TMEM200C: variants seen among roughly 807,000 people sequenced by gnomAD.
The protein encoded by TMEM200C is transmembrane protein TTMA.
For synonymous variants in TMEM200C, 462 were observed against 324.7 expected (o/e 1.42, Z -4.55); for missense variants, 966 against 699.9 (o/e 1.38, Z -4.29).
chr18:5,888,337 AC>A (rs2095166989), exon 3 of TMEM200C: 1 of 152,238 alleles, frequency 6.6e-6, no homozygotes, highest in South Asian at 2.1e-4. Context: ...AAAGTGAGTT[AC>A]CGGTTTAATG....
Position 5,891,431 on chromosome 18 carries a change from G to T in TMEM200C, c.633C>A (p.His211Gln). ...CCGCCAGGTCTTTGGCGCGGAGGCT[G>T]TGCACGTCGATGACGGTGGAGTAGA... The change falls in exon 3 of 3, where the codon CAC becomes CAA. Residue 211 changes from histidine (H) to glutamine (Q), a missense_variant. Physicochemically the swap from His to Gln is conservative, Grantham distance 24 (BLOSUM62 0). Coordinates refer to ENST00000581347, the Ensembl canonical transcript of TMEM200C. This position sits in a 1 kb window ranked among gnomAD's most constrained non-coding sequence, Gnocchi z 4.7. 1 of 1,550,412 alleles carries T rather than the reference G, an allele frequency of 6.4e-7. No individual in the cohort carries two copies. Among genetic ancestry groups the T allele is most frequent in the Non-Finnish European group, 8.7e-7 (1 of 1,147,406 alleles).
At position 5,891,505 on chromosome 18, in the gene TMEM200C, G is replaced by T; in HGVS notation, c.559C>A (p.Leu187Ile). 1 of 1,609,888 alleles carries T rather than the reference G, an allele frequency of 6.2e-7. No homozygotes were observed. The highest frequency in any genetic ancestry group is 1.1e-5 in the South Asian group (1 of 90,104). Residue 187 changes from leucine (L) to isoleucine (I), a missense_variant, in exon 3 of 3, where the codon CTC (leucine) becomes ATC (isoleucine). Coordinates refer to ENST00000581347, the Ensembl canonical transcript of TMEM200C. This position sits in a 1 kb window ranked among gnomAD's most constrained non-coding sequence, Gnocchi z 4.7. ...GTCTTCTTGTCCCGGTTCTCGTGGAGGACCGCGTTTGCGCAGATGAAGAGG... is the reference window on the plus strand; with the variant it reads ...GTCTTCTTGTCCCGGTTCTCGTGGATGACCGCGTTTGCGCAGATGAAGAGG...
Position 5,891,248 on chromosome 18 carries a change from G to A in TMEM200C, c.816C>T (p.Ala272=). 1 of 1,376,780 alleles carries A rather than the reference G, an allele frequency of 7.3e-7. No homozygotes were observed. 85.3% of individuals were successfully genotyped at this position (1,376,780 alleles called of 1,614,324 possible). ...TGGCCAGCATCGCCGCCGCTCCGAA[G>A]GCGTCCCCGGAGCCACCGCAGCCCC... The change falls in exon 3 of 3, where the codon GCC becomes GCT. Residue 272 remains alanine, a synonymous_variant. Coordinates refer to ENST00000581347, the Ensembl canonical transcript of TMEM200C. This position sits in a 1 kb window ranked among gnomAD's most constrained non-coding sequence, Gnocchi z 4.7.
exon 2 of TMEM200C, chr18:5,895,372 C>T (rs1449371991): frequency 6.6e-6 from 1 of 151,462 alleles, no homozygotes; most frequent in African/African-American, 2.4e-5. Flanking sequence ...CCCCTGCGGC[C>T]GCGCCGCCGG....
rs769565228 is a variant in TMEM200C at position 5,891,810 on chromosome 18, C to G, written c.254G>C (p.Gly85Ala). The stretch of plus-strand genomic sequence containing the variant: ...GCCCGCAGGCGGCAGCTGCTTACCC[C>G]CCTCCCGATTGGTCCCGGTGGCCTT... The change falls in exon 3 of 3, where the codon GGG becomes GCG. Residue 85 changes from glycine to alanine, a missense_variant. By Grantham distance (60) the Gly-to-Ala change is moderately conservative. Transcript: ENST00000581347. The surrounding 1 kb of genome is among the most constrained non-coding windows in gnomAD (Gnocchi z 4.7). 2.5e-6 allele frequency: 4 copies of G among 1,604,712 alleles called. No homozygotes were observed. Among genetic ancestry groups the G allele is most frequent in the South Asian group, 1.1e-5 (1 of 91,030 alleles).
chr18:5,890,717 G>T (rs536173337), exon 3 of TMEM200C: 3 of 507,688 alleles, frequency 5.9e-6, no homozygotes, highest in Non-Finnish European at 1.0e-5. Flanking sequence ...CCCTGGCGGC[G>T]CGCGCCGCTA....
At chr18:5,887,856 G>A (rs866542806) in exon 3 of TMEM200C, 1 of 152,132 alleles carries the variant, frequency 6.6e-6, no homozygotes, top group Non-Finnish European at 1.5e-5. Flanking sequence ...TTGGAAAATT[G>A]AGCTCATCTT....
In TMEM200C at chr18:5,891,378, G is replaced by A; in HGVS notation, c.686C>T (p.Ala229Val). ...GGGGGCAGACGACGACGAAGAGGCG[G>A]CGGCGGCCGCGGCGGCGGCCGCGGC... Residue 229 changes from alanine to valine, a missense_variant, in exon 3 of 3, where the codon GCC becomes GTC. Coordinates refer to ENST00000581347, the Ensembl canonical transcript of TMEM200C. The surrounding 1 kb of genome is among the most constrained non-coding windows in gnomAD (Gnocchi z 4.7). 1.5e-6 allele frequency: 2 copies of A among 1,306,766 alleles called. No homozygotes were observed. The highest frequency in any genetic ancestry group is 9.7e-7 in the Non-Finnish European group (1 of 1,033,528). The allele number at this position is 1,306,766 out of a possible 1,614,324, so 80.9% of individuals were successfully genotyped here. A position where few individuals can be genotyped will look rare whatever the true frequency, so the allele number is the denominator to read the frequency against.
exon 3 of TMEM200C, chr18:5,890,893 C>T: frequency 1.5e-6 from 1 of 682,960 alleles, no homozygotes; most frequent in East Asian, 2.9e-5. Flanking sequence ...GCGTCCCCGC[C>T]CCTATCGCGG....
exon 3 of TMEM200C, chr18:5,890,137 A>AC: frequency 6.9e-7 from 1 of 1,459,756 alleles, no homozygotes; most frequent in Non-Finnish European, 9.1e-7. Context: ...CTGTTAATGC[A>AC]CTGATTCAAG....
At chr18:5,892,003 G>A (rs564765632) in exon 3 of TMEM200C, 7 of 1,613,944 alleles carry the variant, frequency 4.3e-6, no homozygotes, top group South Asian at 3.3e-5. Flanking sequence ...ATCTGGCTTG[G>A]GGGGCGGAGT....
exon 3 of TMEM200C, chr18:5,885,970 T>A (rs1386556070): frequency 3.9e-5 from 6 of 152,156 alleles, no homozygotes; most frequent in African/African-American, 1.4e-4. Flanking sequence ...TATTCTTTGT[T>A]ATAAGTAAGA....
chr18:5,893,345 A>G (rs1201263888), intron 2 of TMEM200C, among the ~76,000 whole-genome samples: 1 of 152,008 alleles, frequency 6.6e-6, no homozygotes, highest in Non-Finnish European at 1.5e-5. Flanking sequence ...TTAGGAAGGG[A>G]GGGTGGCAAC....
rs1331174922 is a variant in TMEM200C, at chr18:5,891,297, G to A, written c.767C>T (p.Ser256Leu). 7.1e-7 allele frequency: 1 copy of A among 1,415,542 alleles called. No individual in the cohort carries two copies. The highest frequency in any genetic ancestry group is 9.3e-7 in the Non-Finnish European group (1 of 1,079,404). The allele number at this position is 1,415,542 out of a possible 1,614,324, so 87.7% of individuals were successfully genotyped here. Reference sequence around the variant, plus strand: ...CCCGGGCTTCAGCTCCAGGCCCCGCGACTGCACGTAGCTGAGGAAGCCGTT... The same window carrying A: ...CCCGGGCTTCAGCTCCAGGCCCCGCAACTGCACGTAGCTGAGGAAGCCGTT... Residue 256 changes from serine (S) to leucine (L), a missense_variant, in exon 3 of 3, where the codon TCG becomes TTG. Transcript: ENST00000581347. This position sits in a 1 kb window ranked among gnomAD's most constrained non-coding sequence, Gnocchi z 4.7.
chr18:5,883,221 C>T (rs939119835), exon 3 of TMEM200C: 10 of 152,060 alleles, frequency 6.6e-5, no homozygotes, highest in Non-Finnish European at 1.3e-4. Flanking sequence ...TGTGTTTATG[C>T]ACTAAAAAGA....
chr18:5,891,786 C>T lies in TMEM200C; in HGVS notation c.278G>A (p.Gly93Asp), dbSNP rs1408058389. ...CGTGGTTGGGACCCGGTGGCTGCTG[C>T]CCGCAGGCGGCAGCTGCTTACCCCC... Residue 93 changes from glycine (G) to aspartate (D), a missense_variant, in exon 3 of 3, where the codon GGC becomes GAC. Coordinates refer to ENST00000581347, the Ensembl canonical transcript of TMEM200C. This position sits in a 1 kb window ranked among gnomAD's most constrained non-coding sequence, Gnocchi z 4.7. 1 of 1,607,288 alleles carries T rather than the reference C, an allele frequency of 6.2e-7. No homozygotes were observed. Among genetic ancestry groups the T allele is most frequent in the Admixed American group, 1.7e-5 (1 of 60,024 alleles).
intron 2 of TMEM200C, among the ~76,000 whole-genome samples, chr18:5,893,190 A>G (rs2095172890): frequency 6.6e-6 from 1 of 152,222 alleles, no homozygotes; most frequent in African/African-American, 2.4e-5. Flanking sequence ...CATGCTACAG[A>G]GTCCCAGTAT....
rs943095290 is a variant in TMEM200C at position 5,891,611 on chromosome 18, G to T, written c.453C>A (p.Phe151Leu). 3 of 1,613,792 alleles carry T rather than the reference G, an allele frequency of 1.9e-6. No homozygotes were observed. Among genetic ancestry groups the T allele is most frequent in the Non-Finnish European group, 2.5e-6 (3 of 1,179,854 alleles). ...GGTAGCCAGAGAAGATGCGGAAGAA[G>T]AAGCCCACGGACGTGGAGGAGGAGG... The change falls in exon 3 of 3, where the codon TTC becomes TTA. Residue 151 changes from phenylalanine to leucine, a missense_variant. Coordinates refer to ENST00000581347, the Ensembl canonical transcript of TMEM200C. This position sits in a 1 kb window ranked among gnomAD's most constrained non-coding sequence, Gnocchi z 4.7.
At chr18:5,893,961 C>T (rs1028429631) in intron 2 of TMEM200C, among the ~76,000 whole-genome samples, 2 of 152,118 alleles carry the variant, frequency 1.3e-5, no homozygotes, top group African/African-American at 2.4e-5. Context: ...TAAGTAAGCA[C>T]ATTTATTATG....
Sources: gnomAD v4.1 joint callset for allele counts (sites outside exome capture counted in the v4.1 genomes callset) on GRCh38, gnomAD v4.1.1 for gene constraint, Gnocchi (gnomAD v3.1) non-coding constraint, MANE v1.5 for transcripts, NCBI Gene and HGNC (gene_info 2026-07-23, HGNC 2026-07-21) for gene names.